The following FAF1 variants were observed in gnomAD, a reference collection of about 807,000 sequenced individuals.
FAF1 encodes the protein FAS-associated factor 1.
In FAF1, 25 loss-of-function variants were observed where a neutral mutation model predicts 92.5. The observed-to-expected ratio is 0.27, with a 90% CI of 0.20 to 0.38. The LOEUF is 0.38. Among genes scored for constraint, FAF1 ranks in the 10% least tolerant of loss-of-function variants. The pLI is 1.00. For synonymous variants in FAF1, 234 were observed against 273.2 expected (o/e 0.86, Z 1.42); for missense variants, 636 against 793.3 (o/e 0.80, Z 2.38).
At chr1:50,783,806 C>A (rs1011566748) in intron 4 of FAF1, among the ~76,000 whole-genome samples, 1 of 151,982 alleles carries the variant, frequency 6.6e-6, no homozygotes, top group Non-Finnish European at 1.5e-5. Flanking sequence ...ACCTAGGAGG[C>A]GGAGGTTGCA....
At chr1:50,875,360 A>G (rs147947624) in intron 1 of FAF1, among the ~76,000 whole-genome samples, 1,527 of 152,332 alleles carry the variant, frequency 0.01, 13 homozygotes, top group Middle Eastern at 0.071. Flanking sequence ...TGGGGCTAAC[A>G]TATGTATTAC....
At chr1:50,571,877 G>A (rs926804330) in intron 12 of FAF1, among the ~76,000 whole-genome samples, 24 of 152,156 alleles carry the variant, frequency 1.6e-4, no homozygotes, top group Non-Finnish European at 2.9e-4. Flanking sequence ...ATTTGCTGAT[G>A]AACTAAAAAG....
At chr1:50,760,855 A>G (rs1660295930) in intron 4 of FAF1, among the ~76,000 whole-genome samples, 2 of 152,152 alleles carry the variant, frequency 1.3e-5, no homozygotes, top group African/African-American at 4.8e-5. Context: ...AACTGAAGGA[A>G]ATAGAGACAC....
At chr1:50,724,150 T>C (rs1658526092) in intron 6 of FAF1, among the ~76,000 whole-genome samples, 1 of 150,840 alleles carries the variant, frequency 6.6e-6, no homozygotes, top group Admixed American at 6.6e-5. Flanking sequence ...GGAGGACGAC[T>C]GCTTGAGCCC....
intron 1 of FAF1, among the ~76,000 whole-genome samples, chr1:50,909,936 T>C (rs975765451): frequency 6.6e-6 from 1 of 152,192 alleles, no homozygotes; most frequent in African/African-American, 2.4e-5. Flanking sequence ...AGGAGCTGCA[T>C]TCCTCTGGAG....
chr1:50,546,388 CAG>C (rs1382009899), intron 13 of FAF1, among the ~76,000 whole-genome samples: 3 of 152,066 alleles, frequency 2.0e-5, no homozygotes, highest in African/African-American at 7.2e-5. Flanking sequence ...GTTTTTGAGA[CAG>C]AGTCTCACTC....
At chr1:50,585,371 T>C (rs1175852876) in intron 9 of FAF1, among the ~76,000 whole-genome samples, 1 of 148,014 alleles carries the variant, frequency 6.8e-6, no homozygotes, top group Non-Finnish European at 1.5e-5. Flanking sequence ...ATGTTTTACA[T>C]ATGAGTTGTA....
chr1:50,789,007 A>AT (rs1244129697), intron 3 of FAF1, among the ~76,000 whole-genome samples: 3 of 151,936 alleles, frequency 2.0e-5, no homozygotes, highest in Non-Finnish European at 1.5e-5. Flanking sequence ...TCATTTTTGT[A>AT]TTTTTTTGTA....
In FAF1 at chr1:50,699,056, G is replaced by T. The variant is rs578065777; in HGVS notation, c.657+6730C>A. 1.3e-3 allele frequency among the ~76,000 whole-genome samples: 195 copies of T among 152,102 alleles called. No homozygotes were observed. In the Middle Eastern group the frequency reaches 0.014, roughly 11 times the overall value. ...GATGAACTATTGGTATGATTTTGTT[G>T]TATTCTTTGATAATAGCTATAATTA... On this transcript the variant is annotated intron_variant, in intron 7 of 18. Coordinates refer to ENST00000396153, the MANE Select transcript of FAF1 (RefSeq NM_007051.3).
chr1:50,699,362 C>T (rs1657370194), intron 7 of FAF1, among the ~76,000 whole-genome samples: 1 of 151,922 alleles, frequency 6.6e-6, no homozygotes, highest in Non-Finnish European at 1.5e-5. Flanking sequence ...TTTTTAATCT[C>T]ATAACTTTGG....
intron 1 of FAF1, among the ~76,000 whole-genome samples, chr1:50,884,683 G>A (rs1644643385): frequency 6.6e-6 from 1 of 151,998 alleles, no homozygotes; most frequent in South Asian, 2.1e-4. Flanking sequence ...GAGGATTTCT[G>A]TATCAGTATT....
At chr1:50,930,733 G>C (rs1645040800) in intron 1 of FAF1, among the ~76,000 whole-genome samples, 1 of 152,112 alleles carries the variant, frequency 6.6e-6, no homozygotes, top group Non-Finnish European at 1.5e-5. Flanking sequence ...TACTCGGGAG[G>C]TGGAGCTTGC....
intron 18 of FAF1, among the ~76,000 whole-genome samples, chr1:50,449,026 C>T (rs1229617289): frequency 6.9e-6 from 1 of 145,466 alleles, no homozygotes; most frequent in Non-Finnish European, 1.5e-5. Flanking sequence ...TTTTAAAATA[C>T]ATTTCCCATC....
chr1:50,661,895 A>C (rs1655394382), intron 7 of FAF1, among the ~76,000 whole-genome samples: 1 of 152,188 alleles, frequency 6.6e-6, no homozygotes, highest in East Asian at 1.9e-4. Context: ...TACACGTTGC[A>C]GTTGCACATG....
At chr1:50,654,321 A>G (rs925074587) in intron 8 of FAF1, among the ~76,000 whole-genome samples, 2 of 152,166 alleles carry the variant, frequency 1.3e-5, no homozygotes, top group African/African-American at 4.8e-5. Context: ...TTTATTTTAA[A>G]AATTAGATGT....
chr1:50,749,416 T>C (rs1029111201), intron 4 of FAF1, among the ~76,000 whole-genome samples: 3 of 152,048 alleles, frequency 2.0e-5, no homozygotes, highest in African/African-American at 2.4e-5. Context: ...ATGAGACAAA[T>C]AGCCTTTTGT....
intron 8 of FAF1, among the ~76,000 whole-genome samples, chr1:50,647,261 G>A (rs1654640465): frequency 6.6e-6 from 1 of 152,224 alleles, no homozygotes; most frequent in African/African-American, 2.4e-5. Flanking sequence ...TAATAGTTAA[G>A]TCTTGGCCAA....
intron 7 of FAF1, among the ~76,000 whole-genome samples, chr1:50,679,341 TTTCA>T (rs1656321658): frequency 6.7e-6 from 1 of 150,232 alleles, no homozygotes; most frequent in South Asian, 2.1e-4. Flanking sequence ...AAGAATAGCA[TTTCA>T]TTCATTCATT....
intron 8 of FAF1, among the ~76,000 whole-genome samples, chr1:50,634,382 T>C (rs1158722218): frequency 6.6e-6 from 1 of 152,366 alleles, no homozygotes; most frequent in South Asian, 2.1e-4. Context: ...TAAGCTGGAC[T>C]ACTACTTCAG....
Sources: gnomAD v4.1 joint callset for allele counts (sites outside exome capture counted in the v4.1 genomes callset) on GRCh38, gnomAD v4.1.1 for gene constraint, MANE v1.5 for transcripts, NCBI Gene and HGNC (gene_info 2026-07-23, HGNC 2026-07-21) for gene names.